ZNF844: variants seen among roughly 807,000 people sequenced by gnomAD.
ZNF844 encodes the protein zinc finger protein 844.
In ZNF844, 11 loss-of-function variants were observed where a neutral mutation model predicts 11.4. The ratio of observed to expected loss-of-function variants is 0.97; its 90% CI spans 0.61 to 1.60. ZNF844 has a LOEUF of 1.60. ZNF844 is among the 40% of genes most tolerant of loss of function. ZNF844 has a pLI of 0.00. For missense variants in ZNF844, 790 were observed against 796.8 expected (o/e 0.99, Z 0.10); for synonymous variants, 248 against 260.3 (o/e 0.95, Z 0.46).
chr19:12,072,710 A>C (rs1975764642), intron 1 of ZNF844, among the ~76,000 whole-genome samples: 1 of 151,758 alleles, frequency 6.6e-6, no homozygotes, highest in Admixed American at 6.6e-5. Flanking sequence ...CAGCCTCCTG[A>C]GTAGCTAGGA....
At position 12,075,473 on chromosome 19, in the gene ZNF844, T is replaced by C; in HGVS notation, c.353T>C (p.Leu118Pro). The change falls in exon 4 of 4, where the codon CTT becomes CCT. Residue 118 changes from leucine to proline, a missense_variant. Physicochemically the swap from Leu to Pro is moderately conservative, Grantham distance 98. This residue lies in a region of ZNF844 where 129 missense variants were observed against 144.0 expected (regional missense o/e 0.90). Transcript: ENST00000439326. ...GAAGTCTTCGTGGGTCATTCTTCCC[T>C]TAATAGGCACATTAGAGCTGACACT... ...CGEVFVGHSS[L>P]NRHIRADTAH... is the part of the protein sequence containing the mutation. 6.2e-7 allele frequency: 1 copy of C among 1,613,226 alleles called. No homozygotes were observed. Among genetic ancestry groups the C allele is most frequent in the Non-Finnish European group, 8.5e-7 (1 of 1,179,764 alleles).
chr19:12,075,456 C>G lies in ZNF844; in HGVS notation c.336C>G (p.Phe112Leu), dbSNP rs374641364. 3 of 1,612,740 alleles carry G rather than the reference C, an allele frequency of 1.9e-6. No individual in the cohort carries two copies. In the Admixed American group the frequency reaches 5.0e-5, roughly 27 times the overall value. ...SCESSVCGEV[F>L]VGHSSLNRHI... Reference sequence around the variant, plus strand: ...AAAGCAGTGTGTGTGGAGAAGTCTTCGTGGGTCATTCTTCCCTTAATAGGC... The same window carrying G: ...AAAGCAGTGTGTGTGGAGAAGTCTTGGTGGGTCATTCTTCCCTTAATAGGC... Residue 112 changes from phenylalanine (F) to leucine (L), a missense_variant, in exon 4 of 4, where the codon TTC (phenylalanine) becomes TTG (leucine). This residue lies in a region of ZNF844 where 129 missense variants were observed against 144.0 expected (regional missense o/e 0.90). Transcript: ENST00000439326.
Position 12,081,096 on chromosome 19 carries a change from G to GCAGA in ZNF844, c.*3977_*3980dup, listed in dbSNP as rs1363727648. On this transcript the variant is annotated 3_prime_UTR_variant, in exon 4 of 4. Coordinates refer to ENST00000439326, the MANE Select transcript of ZNF844 (RefSeq NM_001136501.3). ...ATAATGTCTTTACCAGAGAGCTAATGCAGACTGTCATGGGTGAGATTGTTC... is the reference window on the plus strand; with the variant it reads ...ATAATGTCTTTACCAGAGAGCTAATGCAGACAGACTGTCATGGGTGAGATTGTTC... 2 of 152,342 alleles carry GCAGA rather than the reference G, an allele frequency of 1.3e-5. No homozygotes were observed. Among genetic ancestry groups the GCAGA allele is most frequent in the African/African-American group, 4.8e-5 (2 of 41,558 alleles). 9.4% of individuals were successfully genotyped at this position (152,342 alleles called of 1,614,324 possible). A position where few individuals can be genotyped will look rare whatever the true frequency, so the allele number is the denominator to read the frequency against.
intron 1 of ZNF844, among the ~76,000 whole-genome samples, chr19:12,067,977 A>AAGGAAGGC (rs1395624801): frequency 6.7e-6 from 1 of 149,268 alleles, no homozygotes; most frequent in Non-Finnish European, 1.5e-5. Flanking sequence ...GGAAGGAAGG[A>AAGGAAGGC]AGGAAGGAAA....
chr19:12,064,914 G>T, intron 1 of ZNF844, 38 bp downstream of exon 1: 1 of 1,547,958 alleles, frequency 6.5e-7, no homozygotes, highest in Non-Finnish European at 8.7e-7. Flanking sequence ...CGAGACTTGG[G>T]GGAGGGTAGG....
rs767122914 is a variant in ZNF844, at chr19:12,075,572, G to A, written c.452G>A (p.Arg151Lys). The change falls in exon 4 of 4, where the codon AGA becomes AAA. Residue 151 changes from arginine (R) to lysine (K), a missense_variant. Arg to Lys is a conservative substitution (Grantham distance 26). Around this residue, in one of 3 missense-constraint regions of ZNF844, gnomAD observed 657 missense variants for 636.2 expected, o/e 1.03. Coordinates refer to ENST00000439326, the MANE Select transcript of ZNF844 (RefSeq NM_001136501.3). ...YKCQQRKKAF[R>K]CHPSFQMQEK... ...TGTCAACAACGTAAGAAAGCCTTCA[G>A]ATGTCACCCCTCCTTTCAAATGCAA... 13 of 1,614,102 alleles carry A rather than the reference G, an allele frequency of 8.1e-6. No homozygotes were observed. Among genetic ancestry groups the A allele is most frequent in the Non-Finnish European group, 1.1e-5 (13 of 1,180,016 alleles).
intron 1 of ZNF844, among the ~76,000 whole-genome samples, chr19:12,070,632 A>C (rs1036227537): frequency 6.6e-6 from 1 of 152,204 alleles, no homozygotes; most frequent in African/African-American, 2.4e-5. Context: ...CAGACATATG[A>C]ATTAGGGTCT....
chr19:12,072,076 G>A (rs922275303), intron 1 of ZNF844, among the ~76,000 whole-genome samples: 3 of 151,832 alleles, frequency 2.0e-5, no homozygotes, highest in African/African-American at 4.8e-5. Flanking sequence ...TAGTAGAGAT[G>A]GGGTTTCACC....
intron 1 of ZNF844, among the ~76,000 whole-genome samples, chr19:12,067,805 A>G (rs796604365): frequency 8.6e-5 from 13 of 151,166 alleles, no homozygotes; most frequent in African/African-American, 2.9e-4. Context: ...AGTCCCAGCT[A>G]TCAGAGAGGC....
intron 1 of ZNF844, among the ~76,000 whole-genome samples, chr19:12,072,647 G>A (rs1010793760): frequency 6.6e-5 from 10 of 151,854 alleles, no homozygotes; most frequent in Admixed American, 1.3e-4. Flanking sequence ...GCAATGGCGC[G>A]ATCTACGCTC....
chr19:12,071,260 C>T (rs1975750002), intron 1 of ZNF844, among the ~76,000 whole-genome samples: 1 of 152,068 alleles, frequency 6.6e-6, no homozygotes, highest in Non-Finnish European at 1.5e-5. Context: ...TTTTTTTCCA[C>T]AAAGCAATAA....
intron 1 of ZNF844, among the ~76,000 whole-genome samples, chr19:12,065,137 C>T (rs971465043): frequency 2.0e-5 from 3 of 152,026 alleles, no homozygotes; most frequent in Admixed American, 2.0e-4. Flanking sequence ...CCTCTCTGGA[C>T]AGCTCCGCGC....
At chr19:12,067,942 A>AGG (rs1393780839) in intron 1 of ZNF844, among the ~76,000 whole-genome samples, 7 of 123,630 alleles carry the variant, frequency 5.7e-5, no homozygotes, top group Non-Finnish European at 1.0e-4. Context: ...GAAAGAAAGA[A>AGG]AGAAGGAAAG....
intron 1 of ZNF844, among the ~76,000 whole-genome samples, chr19:12,073,529 G>A (rs1230155747): frequency 6.6e-6 from 1 of 151,744 alleles, no homozygotes; most frequent in Non-Finnish European, 1.5e-5. Context: ...TTATCAGTTG[G>A]GTTGGTTGAA....
intron 1 of ZNF844, 114 bp from the exon 2 acceptor site, chr19:12,073,917 A>G: frequency 7.2e-7 from 1 of 1,384,324 alleles, no homozygotes; most frequent in Non-Finnish European, 9.6e-7. Context: ...ATGACCAAGA[A>G]ATAGAATAAA....
intron 1 of ZNF844, among the ~76,000 whole-genome samples, chr19:12,070,443 T>C (rs570071051): frequency 2.6e-5 from 4 of 152,284 alleles, no homozygotes; most frequent in Non-Finnish European, 1.5e-5. Flanking sequence ...TACCCTGTAG[T>C]CCTCTCTGGC....
chr19:12,073,634 C>T (rs1318955608), intron 1 of ZNF844, among the ~76,000 whole-genome samples: 1 of 151,424 alleles, frequency 6.6e-6, no homozygotes, highest in Non-Finnish European at 1.5e-5. Flanking sequence ...AATGGTTAAA[C>T]TTTGTGAACA....
At chr19:12,065,636 A>AT (rs35958243) in intron 1 of ZNF844, among the ~76,000 whole-genome samples, 20,604 of 142,786 alleles carry the variant, frequency 0.14, 2,170 homozygotes, top group African/African-American at 0.3. Flanking sequence ...TTTTCTTACA[A>AT]TTTTTTTTTT....
chr19:12,073,037 T>C (rs1003250317), intron 1 of ZNF844, among the ~76,000 whole-genome samples: 3 of 152,216 alleles, frequency 2.0e-5, no homozygotes, highest in African/African-American at 7.2e-5. Flanking sequence ...GACAGAACTT[T>C]TAAATTTTGA....
Sources: allele counts gnomAD v4.1 joint callset (sites outside exome capture counted in the v4.1 genomes callset), GRCh38; gene constraint gnomAD v4.1.1; regional missense constraint gnomAD v4.1.1; transcripts MANE v1.5; gene names NCBI Gene and HGNC (gene_info 2026-07-23, HGNC 2026-07-21).